PLOD1: variants seen among roughly 807,000 people sequenced by gnomAD.
PLOD1 encodes lysine hydroxylase.
Under a neutral mutation model 94.7 loss-of-function variants are expected in PLOD1, and 70 were observed. The observed-to-expected ratio is 0.74, with a 90% CI of 0.61 to 0.90. The LOEUF (loss-of-function observed/expected upper bound fraction) is 0.90, where lower values mean the gene tolerates loss of function less well. PLOD1 is among the 40% of genes least tolerant of loss of function. PLOD1 has a pLI of 0.00. For missense variants in PLOD1, 905 were observed against 972.7 expected (o/e 0.93, Z 0.93); for synonymous variants, 417 against 400.2 (o/e 1.04, Z -0.50).
intron 1 of PLOD1, among the ~76,000 whole-genome samples, chr1:11,947,760 C>G (rs79892860): frequency 6.6e-6 from 1 of 152,278 alleles, no homozygotes; most frequent in South Asian, 2.1e-4. Flanking sequence ...CCAACTATAT[C>G]GGTCAGTTAC....
chr1:11,970,196 A>C (rs1645851396), intron 16 of PLOD1, among the ~76,000 whole-genome samples: 1 of 152,014 alleles, frequency 6.6e-6, no homozygotes, highest in African/African-American at 2.4e-5. Flanking sequence ...GGTTGCAGTG[A>C]GCTGAAATGA....
chr1:11,967,638 A>ATT (rs1211770770), intron 16 of PLOD1, among the ~76,000 whole-genome samples: 3 of 97,654 alleles, frequency 3.1e-5, no homozygotes, highest in Non-Finnish European at 6.1e-5. Context: ...TATAGATTTT[A>ATT]TTTATATATA....
rs1281801241 is a variant in PLOD1, at chr1:11,974,665, C to T, written c.2041C>T (p.Arg681Trp). The T allele has an allele frequency of 1.9e-6, 3 of 1,613,622 alleles. No homozygotes were observed. Among genetic ancestry groups the T allele is most frequent in the South Asian group, 1.1e-5 (1 of 91,064 alleles). The change falls in exon 19 of 19, where the codon CGG (arginine) becomes TGG (tryptophan). Residue 681 changes from arginine to tryptophan, a missense_variant. Transcript: ENST00000196061. ...VGVDYEGGGC[R>W]FLRYNCSIRA... is the part of the protein sequence containing the mutation. ...TTCTGTCTCCCAGGGCGGGGGCTGT[C>T]GGTTCCTGCGCTACAACTGTTCCAT...
chr1:11,947,816 T>TTG, intron 1 of PLOD1, among the ~76,000 whole-genome samples, 160 bp from the exon 2 acceptor site: 1 of 152,268 alleles, frequency 6.6e-6, no homozygotes. Flanking sequence ...CTGGGTTATT[T>TTG]CCTGCTCTAT....
rs763065699 is a variant in PLOD1, at chr1:11,963,542, C to T, written c.1108C>T (p.Arg370Trp). Residue 370 changes from arginine (R) to tryptophan (W), a missense_variant, in exon 11 of 19, where the codon CGG (arginine) becomes TGG (tryptophan). Transcript: ENST00000196061. This position sits in a 1 kb window ranked among gnomAD's most constrained non-coding sequence, Gnocchi z 4.3. ...DARNMGADLCRQDRSCTYYFS... is the reference protein window; with the variant it reads ...DARNMGADLCWQDRSCTYYFS... ...TCCTCCTCCTTGCAGAGACCTGTGC[C>T]GGCAGGACCGCAGCTGCACCTACTA... is the stretch of plus-strand genomic sequence containing the variant. The T allele has an allele frequency of 1.6e-5, 25 of 1,597,718 alleles. No homozygotes were observed. Among genetic ancestry groups the T allele is most frequent in the Non-Finnish European group, 1.8e-5 (21 of 1,172,694 alleles).
At chr1:11,966,390 G>A in intron 15 of PLOD1, 74 bp downstream of exon 15, 1 of 1,100,806 alleles carries the variant, frequency 9.1e-7, no homozygotes. Context: ...GAAACTGCTT[G>A]CCCTGGGGAG....
rs1569737461 is a variant in PLOD1, at chr1:11,970,818, T to G, written c.1902+2T>G. On this transcript the variant is annotated splice_donor_variant, in intron 17 of 18. Transcript: ENST00000196061. LOFTEE classifies it high-confidence loss of function. ...CTCTACCCCGGCTACTACACCAGGGTGGGCAAGCCTGGGGCATAGCCAGGA... is the reference window on the plus strand; with the variant it reads ...CTCTACCCCGGCTACTACACCAGGGGGGGCAAGCCTGGGGCATAGCCAGGA... The G allele has an allele frequency of 6.5e-7, 1 of 1,541,008 alleles. No homozygotes were observed. Among genetic ancestry groups the G allele is most frequent in the African/African-American group, 1.6e-5 (1 of 61,536 alleles).
At position 11,958,371 on chromosome 1, in the gene PLOD1, A is replaced by T; in HGVS notation, c.844-145A>T. The stretch of plus-strand genomic sequence containing the variant: ...CTTCCCTGCCCCCCCGTACCCCCTG[A>T]CTGGAGTTCCCCGGCCCGGGCACCT... On this transcript the variant is annotated intron_variant, in intron 8 of 18. Transcript: ENST00000196061. This position sits in a 1 kb window ranked among gnomAD's most constrained non-coding sequence, Gnocchi z 4.3. 5 of 717,030 alleles carry T rather than the reference A, an allele frequency of 7.0e-6. No homozygotes were observed. The highest frequency in any genetic ancestry group is 1.2e-5 in the Non-Finnish European group (5 of 429,596). 44.4% of individuals were successfully genotyped at this position (717,030 alleles called of 1,614,324 possible). A position where few individuals can be genotyped will look rare whatever the true frequency, so the allele number is the denominator to read the frequency against.
intron 4 of PLOD1, among the ~76,000 whole-genome samples, chr1:11,952,194 C>T (rs1202495178): frequency 6.6e-6 from 1 of 152,242 alleles, no homozygotes; most frequent in Non-Finnish European, 1.5e-5. Flanking sequence ...CCCCACTATG[C>T]CAGGTCTCAG....
Position 11,947,978 on chromosome 1 carries a change from A to C in PLOD1, c.79A>C (p.Asn27His). ...EAKGDAKPEDNLLVLTVATKE... is the reference protein window; with the variant it reads ...EAKGDAKPEDHLLVLTVATKE... ...ACCATACCCTCCTCTGTCTGCAGAC[A>C]ACCTTTTAGTCCTCACGGTGGCCAC... Residue 27 changes from asparagine to histidine, a missense_variant and splice_region_variant, in exon 2 of 19, where the codon AAC (asparagine) becomes CAC (histidine). By Grantham distance (68) the Asn-to-His change is moderately conservative. Coordinates refer to ENST00000196061, the MANE Select transcript of PLOD1 (RefSeq NM_000302.4). 1 of 1,607,930 alleles carries C rather than the reference A, an allele frequency of 6.2e-7. No individual in the cohort carries two copies.
chr1:11,947,852 C>T, intron 1 of PLOD1, 124 bp from the exon 2 acceptor site: 1 of 725,424 alleles, frequency 1.4e-6, no homozygotes. Context: ...GGGCCCTGTT[C>T]TGTAATGGGT....
At chr1:11,944,463 ATGCT>A in intron 1 of PLOD1, 9 of 1,157,926 alleles carry the variant, frequency 7.8e-6, no homozygotes, top group Admixed American at 2.3e-5. Context: ...ACTCACTCAC[ATGCT>A]CTCACGCTGG....
chr1:11,970,629 T>A (rs1037689627), intron 16 of PLOD1, 41 bp from the exon 17 acceptor site: 1 of 1,605,746 alleles, frequency 6.2e-7, no homozygotes, highest in African/African-American at 1.3e-5. Flanking sequence ...CTGGGGGCCA[T>A]CCTAGAATTC....
rs1401915389 is a variant in PLOD1, at chr1:11,958,092, C to T, written c.843+149C>T. On this transcript the variant is annotated intron_variant, in intron 8 of 18. Coordinates refer to ENST00000196061, the MANE Select transcript of PLOD1 (RefSeq NM_000302.4). This position sits in a 1 kb window ranked among gnomAD's most constrained non-coding sequence, Gnocchi z 4.3. ...GCCTGGGGTTCTATCCCGGTTGCCA[C>T]CCAAGTGCCTCCTCCTGGAAGCCCT... is the stretch of plus-strand genomic sequence containing the variant. 10 of 652,808 alleles carry T rather than the reference C, an allele frequency of 1.5e-5. No individual in the cohort carries two copies. Among genetic ancestry groups the T allele is most frequent in the Non-Finnish European group, 2.2e-5 (8 of 363,976 alleles). 40.4% of individuals were successfully genotyped at this position (652,808 alleles called of 1,614,324 possible). A position where few individuals can be genotyped will look rare whatever the true frequency, so the allele number is the denominator to read the frequency against.
At position 11,951,791 on chromosome 1, in the gene PLOD1, C is replaced by T. The variant is rs796668443; in HGVS notation, c.467-832C>T. On this transcript the variant is annotated intron_variant, in intron 4 of 18. Coordinates refer to ENST00000196061, the MANE Select transcript of PLOD1 (RefSeq NM_000302.4). ...AAAATTAGCCAGGTGTGGTGGCAGG[C>T]GCCTGTAGTCCCAGCTACTCGGGAG... Among the ~76,000 whole-genome samples, 81 of 151,402 alleles carry T rather than the reference C, an allele frequency of 5.3e-4. 1 individual carries two copies. The East Asian group carries it at 0.011, about 20-fold the overall frequency.
Position 11,958,744 on chromosome 1 carries a change from A to G in PLOD1, c.975+97A>G. The G allele has an allele frequency of 1.4e-6, 2 of 1,427,934 alleles. No homozygotes were observed. Among genetic ancestry groups the G allele is most frequent in the Non-Finnish European group, 9.7e-7 (1 of 1,027,480 alleles). The allele number at this position is 1,427,934 out of a possible 1,614,324, so 88.5% of individuals were successfully genotyped here. The stretch of plus-strand genomic sequence containing the variant: ...GACCTCTGAGGGTCTCACCGAATCT[A>G]GCTTATCTGGGCCAAATGACAATCA... On this transcript the variant is annotated intron_variant, in intron 9 of 18. Transcript: ENST00000196061. The surrounding 1 kb of genome is among the most constrained non-coding windows in gnomAD (Gnocchi z 4.3).
At position 11,958,489 on chromosome 1, in the gene PLOD1, A is replaced by T; in HGVS notation, c.844-27A>T. 1 of 1,611,194 alleles carries T rather than the reference A, an allele frequency of 6.2e-7. No homozygotes were observed. The highest frequency in any genetic ancestry group is 1.1e-5 in the South Asian group (1 of 90,726). ...CAGTGCTGTGACTGGACACTGCTGG[A>T]CTCTTGTGCCGCCCTCCCTGGTGCA... On this transcript the variant is annotated intron_variant, in intron 8 of 18. Coordinates refer to ENST00000196061, the MANE Select transcript of PLOD1 (RefSeq NM_000302.4). The surrounding 1 kb of genome is among the most constrained non-coding windows in gnomAD (Gnocchi z 4.3).
intron 6 of PLOD1, among the ~76,000 whole-genome samples, chr1:11,956,460 C>G (rs752802141): frequency 6.6e-6 from 1 of 152,184 alleles, no homozygotes; most frequent in Non-Finnish European, 1.5e-5. Flanking sequence ...TCCACTGGGA[C>G]AAGATCTGTC....
intron 11 of PLOD1, 149 bp from the exon 12 acceptor site, chr1:11,964,026 C>T: frequency 2.3e-6 from 2 of 863,302 alleles, no homozygotes; most frequent in Non-Finnish European, 3.9e-6. Flanking sequence ...ACCCCCGACA[C>T]CCCGGCCAAG....
Sources: gnomAD v4.1 joint callset for allele counts (sites outside exome capture counted in the v4.1 genomes callset) on GRCh38, gnomAD v4.1.1 for gene constraint, Gnocchi (gnomAD v3.1) non-coding constraint, MANE v1.5 for transcripts, NCBI Gene and HGNC (gene_info 2026-07-23, HGNC 2026-07-21) for gene names.